Variants in XYLT1 observed in about 807,000 individuals in gnomAD.
The protein encoded by XYLT1 is beta-D-xylosyltransferase 1.
A neutral mutation model predicts 91.3 loss-of-function variants in XYLT1; 36 were observed. The observed-to-expected ratio is 0.39, with a 90% CI of 0.30 to 0.52. The LOEUF is 0.52. Among genes scored for constraint, XYLT1 ranks in the 20% least tolerant of loss-of-function variants. The pLI, the probability that XYLT1 is intolerant of heterozygous loss-of-function variation, is 0.68. For synonymous variants in XYLT1, 588 were observed against 532.0 expected (o/e 1.11, Z -1.45); for missense variants, 1,242 against 1,284.5 (o/e 0.97, Z 0.51).
intron 1 of XYLT1, among the ~76,000 whole-genome samples, chr16:17,364,265 A>G (rs1414603532): frequency 2.0e-5 from 3 of 152,190 alleles, no homozygotes; most frequent in African/African-American, 7.2e-5. Context: ...AGCTACTGTA[A>G]CAAAGTGGAA....
At chr16:17,320,311 G>C (rs565870428) in intron 2 of XYLT1, among the ~76,000 whole-genome samples, 1 of 152,228 alleles carries the variant, frequency 6.6e-6, no homozygotes, top group South Asian at 2.1e-4. Flanking sequence ...ATGGGTGAAA[G>C]TTTGGCATTC....
intron 1 of XYLT1, among the ~76,000 whole-genome samples, chr16:17,370,789 T>A (rs2035522509): frequency 6.6e-6 from 1 of 152,252 alleles, no homozygotes. Flanking sequence ...TGCAAAGTTC[T>A]GGCATTTTTT....
chr16:17,106,419 TA>T lies in XYLT1; in HGVS notation c.*2275del, dbSNP rs1459582004. The T allele has an allele frequency of 6.6e-6, 1 of 152,196 alleles. No individual in the cohort carries two copies. Among genetic ancestry groups the T allele is most frequent in the East Asian group, 1.9e-4 (1 of 5,182 alleles). 9.4% of individuals were successfully genotyped at this position (152,196 alleles called of 1,614,324 possible). A position where few individuals can be genotyped will look rare whatever the true frequency, so the allele number is the denominator to read the frequency against. On this transcript the variant is annotated 3_prime_UTR_variant, in exon 12 of 12. Transcript: ENST00000261381. ...ACCATAGAGTCTGTAAAAGAGATCATAGGGGCTTTCTGAGAAAAGTACCCTG... is the reference window on the plus strand; with the variant it reads ...ACCATAGAGTCTGTAAAAGAGATCATGGGGCTTTCTGAGAAAAGTACCCTG...
rs183770153 is a variant in XYLT1 at position 17,135,876 on chromosome 16, A to G, written c.1765-1141T>C. Among the ~76,000 whole-genome samples the G allele has an allele frequency of 7.2e-4, 110 of 152,358 alleles. 1 individual carries two copies. The highest frequency in any genetic ancestry group is 2.7e-3 in the East Asian group (14 of 5,192). On this transcript the variant is annotated intron_variant, in intron 8 of 11. Coordinates refer to ENST00000261381, the MANE Select transcript of XYLT1 (RefSeq NM_022166.4). ...CCACAGACAGACAAGAGACTAAATAAATAGGTATGGCTGTGTTCCAACTAA... is the reference window on the plus strand; with the variant it reads ...CCACAGACAGACAAGAGACTAAATAGATAGGTATGGCTGTGTTCCAACTAA...
intron 1 of XYLT1, among the ~76,000 whole-genome samples, chr16:17,450,612 G>A (rs1336525778): frequency 1.3e-5 from 2 of 152,106 alleles, no homozygotes; most frequent in Non-Finnish European, 1.5e-5. Flanking sequence ...TTTTAAAGAC[G>A]GGGAAACAGA....
chr16:17,357,366 A>G (rs1276212824), intron 2 of XYLT1, among the ~76,000 whole-genome samples: 1 of 152,062 alleles, frequency 6.6e-6, no homozygotes, highest in African/African-American at 2.4e-5. Context: ...GCAGGGCTAG[A>G]AGACACAGAG....
At chr16:17,138,671 G>T in intron 7 of XYLT1, 140 bp from the exon 8 acceptor site, 1 of 975,100 alleles carries the variant, frequency 1.0e-6, no homozygotes, top group South Asian at 1.7e-5. Context: ...TCAGAAGCTG[G>T]GCGGCTTCCT....
At chr16:17,232,194 AAATATAT>A (rs2033168467) in intron 3 of XYLT1, among the ~76,000 whole-genome samples, 1 of 143,012 alleles carries the variant, frequency 7.0e-6, no homozygotes, top group South Asian at 2.1e-4. Flanking sequence ...ACTATATATA[AAATATAT>A]AATATATATT....
At chr16:17,277,292 T>A (rs961216369) in intron 2 of XYLT1, among the ~76,000 whole-genome samples, 1 of 152,078 alleles carries the variant, frequency 6.6e-6, no homozygotes, top group Non-Finnish European at 1.5e-5. Flanking sequence ...AAGTATGGAG[T>A]ATGATTGACC....
At chr16:17,364,474 CTT>C (rs2035423719) in intron 1 of XYLT1, among the ~76,000 whole-genome samples, 1 of 152,154 alleles carries the variant, frequency 6.6e-6, no homozygotes. Flanking sequence ...CAGAAATGAT[CTT>C]CTCTTTGATT....
intron 5 of XYLT1, among the ~76,000 whole-genome samples, chr16:17,166,257 A>G (rs1300001277): frequency 6.6e-6 from 1 of 152,234 alleles, no homozygotes; most frequent in Non-Finnish European, 1.5e-5. Context: ...CTGTCTGCCA[A>G]CAGAACCAGC....
At chr16:17,148,243 AC>A (rs1567296108) in intron 6 of XYLT1, among the ~76,000 whole-genome samples, 4 of 152,180 alleles carry the variant, frequency 2.6e-5, no homozygotes. Flanking sequence ...CAAGCAATGA[AC>A]CGACTCAACC....
At chr16:17,142,860 T>C (rs1188466828) in intron 6 of XYLT1, among the ~76,000 whole-genome samples, 1 of 152,188 alleles carries the variant, frequency 6.6e-6, no homozygotes, top group East Asian at 1.9e-4. Context: ...AGTTAGTTAC[T>C]GCTAATACTA....
intron 2 of XYLT1, among the ~76,000 whole-genome samples, chr16:17,340,505 A>C (rs572355818): frequency 2.6e-5 from 4 of 152,336 alleles, no homozygotes; most frequent in Non-Finnish European, 4.4e-5. Flanking sequence ...AGAATGGTTA[A>C]ATCTTAAAGA....
intron 2 of XYLT1, among the ~76,000 whole-genome samples, chr16:17,297,695 C>T (rs1395675571): frequency 6.6e-6 from 1 of 152,094 alleles, no homozygotes; most frequent in East Asian, 1.9e-4. Flanking sequence ...TGTGCTCCAA[C>T]CTAGGCCACA....
chr16:17,351,952 G>A (rs1050901621), intron 2 of XYLT1, among the ~76,000 whole-genome samples: 2 of 152,050 alleles, frequency 1.3e-5, no homozygotes, highest in Admixed American at 6.5e-5. Flanking sequence ...AAGACCAGTC[G>A]GGGCAACATA....
At position 17,235,103 on chromosome 16, in the gene XYLT1, G is replaced by A. The variant is rs562822359; in HGVS notation, c.913+23885C>T. ...GTCATCTTGCTCTATTTTATTCCTC[G>A]CTTTGTTTTAGTGTGAAAAGTAGCT... is the stretch of plus-strand genomic sequence containing the variant. On this transcript the variant is annotated intron_variant, in intron 3 of 11. Coordinates refer to ENST00000261381, the MANE Select transcript of XYLT1 (RefSeq NM_022166.4). 6.0e-5 allele frequency among the ~76,000 whole-genome samples: 9 copies of A among 151,102 alleles called. No homozygotes were observed. The South Asian group carries it at 1.9e-3, about 32-fold the overall frequency.
intron 6 of XYLT1, among the ~76,000 whole-genome samples, chr16:17,152,931 C>T (rs2031315177): frequency 6.6e-6 from 1 of 152,140 alleles, no homozygotes; most frequent in Non-Finnish European, 1.5e-5. Context: ...GTTGTCGATA[C>T]ATATAAGGTC....
At chr16:17,366,744 C>A (rs772515011) in intron 1 of XYLT1, among the ~76,000 whole-genome samples, 2 of 152,122 alleles carry the variant, frequency 1.3e-5, no homozygotes, top group Non-Finnish European at 2.9e-5. Context: ...CTCCAGGAGG[C>A]AGGCACCAAA....
Sources: gnomAD v4.1 joint callset for allele counts (sites outside exome capture counted in the v4.1 genomes callset) on GRCh38, gnomAD v4.1.1 for gene constraint, MANE v1.5 for transcripts, NCBI Gene and HGNC (gene_info 2026-07-23, HGNC 2026-07-21) for gene names.